The following TMEM276 variants were observed in gnomAD, a reference collection of about 807,000 sequenced individuals.
The protein encoded by TMEM276 is transmembrane protein 276.
the TMEM276 span, chr8:144,466,645 G>A: frequency 4.0e-6 from 4 of 1,011,426 alleles, no homozygotes; most frequent in Non-Finnish European, 5.3e-6. Context: ...CCTCGGCTCG[G>A]CCCCGATGCT....
chr8:144,466,901 G>T, the TMEM276 span: 2 of 1,554,048 alleles, frequency 1.3e-6, no homozygotes, highest in East Asian at 2.3e-5. Flanking sequence ...GGGAGGGGCG[G>T]AGGCCTGGCT....
At chr8:144,465,083 G>A in the TMEM276 span, 28 of 1,523,164 alleles carry the variant, frequency 1.8e-5, no homozygotes, top group East Asian at 2.0e-4. Flanking sequence ...GATCCCTGAG[G>A]CCACTGCACA....
At chr8:144,464,164 C>A in the TMEM276 span, 14 of 1,612,830 alleles carry the variant, frequency 8.7e-6, no homozygotes, top group Non-Finnish European at 1.2e-5. Flanking sequence ...CAGGGCCCGG[C>A]AGTAAGCCCA....
the TMEM276 span, chr8:144,466,600 C>A: frequency 1.1e-6 from 1 of 876,234 alleles, no homozygotes; most frequent in Non-Finnish European, 1.5e-6. Flanking sequence ...CGGGGGCGGG[C>A]ACGGGGCGCG....
chr8:144,465,111 A>C, the TMEM276 span: 1 of 1,489,732 alleles, frequency 6.7e-7, no homozygotes, highest in Non-Finnish European at 8.9e-7. Context: ...GGAGAAGAAG[A>C]ACCTAATTCA....
At chr8:144,464,656 G>GTTTAAAA in the TMEM276 span, 4 of 1,578,508 alleles carry the variant, frequency 2.5e-6, no homozygotes, top group Non-Finnish European at 2.6e-6. Context: ...AAAGAGGCCG[G>GTTTAAAA]GGTCACCCTT....
chr8:144,465,266 C>T, the TMEM276 span: 9 of 1,122,480 alleles, frequency 8.0e-6, no homozygotes, highest in African/African-American at 4.8e-5. Flanking sequence ...GGCCTGCTCC[C>T]TGCGTTCCGG....
chr8:144,464,001 T>C, the TMEM276 span: 8 of 1,519,020 alleles, frequency 5.3e-6, no homozygotes, highest in East Asian at 1.6e-4. Context: ...CCCTGACCAG[T>C]CAATGTGCAG....
At chr8:144,466,924 C>G in the TMEM276 span, 1 of 1,575,858 alleles carries the variant, frequency 6.3e-7, no homozygotes, top group Non-Finnish European at 8.6e-7. Flanking sequence ...AGCACGTGAC[C>G]CGAAATGTCT....
At chr8:144,466,597 G>T in the TMEM276 span, 2 of 896,682 alleles carry the variant, frequency 2.2e-6, no homozygotes, top group Non-Finnish European at 2.9e-6. Context: ...GGGCGGGGGC[G>T]GGCACGGGGC....
the TMEM276 span, chr8:144,464,983 A>T: frequency 6.4e-7 from 1 of 1,562,434 alleles, no homozygotes; most frequent in Non-Finnish European, 8.6e-7. Context: ...GAAGCCAGCG[A>T]CCTGGAGCCC....
the TMEM276 span, chr8:144,465,517 G>A: frequency 2.6e-4 from 219 of 853,844 alleles, no homozygotes; most frequent in Non-Finnish European, 2.9e-4. Context: ...GCGGCCGGGC[G>A]GGGCTAGAGC....
the TMEM276 span, chr8:144,464,447 G>A: frequency 1.1e-5 from 18 of 1,612,154 alleles, no homozygotes; most frequent in East Asian, 1.1e-4. Flanking sequence ...GCAGAGGAGC[G>A]GTCCCCATTC....
the TMEM276 span, chr8:144,464,281 C>A: frequency 3.4e-4 from 544 of 1,613,312 alleles, 2 homozygotes; most frequent in African/African-American, 6.3e-4. Context: ...CATCGCCCCC[C>A]CCCACATCCC....
the TMEM276 span, chr8:144,466,411 C>G: frequency 1.6e-6 from 2 of 1,274,446 alleles, no homozygotes; most frequent in Non-Finnish European, 2.0e-6. Flanking sequence ...TCTGCCGCCC[C>G]GCGCTCCCAT....
At chr8:144,466,596 C>A in the TMEM276 span, 3 of 895,316 alleles carry the variant, frequency 3.4e-6, no homozygotes, top group South Asian at 9.4e-5. Flanking sequence ...GGGGCGGGGG[C>A]GGGCACGGGG....
At chr8:144,467,009 G>T in the TMEM276 span, 1 of 1,596,178 alleles carries the variant, frequency 6.3e-7, no homozygotes, top group Non-Finnish European at 8.5e-7. Context: ...GGGCCGCGCG[G>T]CCGCGGTGTC....
chr8:144,464,371 C>G, the TMEM276 span: 1 of 1,610,718 alleles, frequency 6.2e-7, no homozygotes, highest in Non-Finnish European at 8.5e-7. Context: ...AGCCACAGAG[C>G]GGCCCTCAGG....
the TMEM276 span, chr8:144,465,072 G>A: frequency 1.7e-5 from 26 of 1,529,554 alleles, no homozygotes; most frequent in Non-Finnish European, 2.2e-5. Context: ...TAGACTTTCC[G>A]GATCCCTGAG....
Sources: gnomAD v4.1 joint callset for allele counts on GRCh38, gnomAD v4.1.1 for gene constraint, MANE v1.5 for transcripts, NCBI Gene and HGNC (gene_info 2026-07-23, HGNC 2026-07-21) for gene names.